The following XKR4 variants were observed in gnomAD, a reference collection of about 807,000 sequenced individuals.
XKR4 encodes XK-related protein 4.
In XKR4, 12 loss-of-function variants were observed where a neutral mutation model predicts 53.9. The observed-to-expected ratio is 0.22, with a 90% CI of 0.14 to 0.36. The LOEUF (loss-of-function observed/expected upper bound fraction) is 0.36. XKR4 is among the 10% of genes least tolerant of loss of function. The pLI, the probability that XKR4 is intolerant of heterozygous loss-of-function variation, is 1.00. For synonymous variants in XKR4, 354 were observed against 362.4 expected, an observed-to-expected ratio of 0.98 and a Z score of 0.26; for missense variants, 799 against 859.5, an observed-to-expected ratio of 0.93 and a Z score of 0.88.
intron 2 of XKR4, among the ~76,000 whole-genome samples, chr8:55,486,564 A>C (rs145603880): frequency 5.0e-4 from 76 of 152,364 alleles, no homozygotes; most frequent in African/African-American, 1.8e-3. Flanking sequence ...GCCAGTTGGC[A>C]TTATGTGTGA....
chr8:55,182,283 A>AT (rs912526950), intron 1 of XKR4, among the ~76,000 whole-genome samples: 3 of 150,954 alleles, frequency 2.0e-5, no homozygotes, highest in Admixed American at 6.6e-5. Flanking sequence ...CAGTTTATCA[A>AT]TTTTTTTCTT....
chr8:55,457,238 G>T (rs1805584755), intron 2 of XKR4, among the ~76,000 whole-genome samples: 1 of 150,114 alleles, frequency 6.7e-6, no homozygotes, highest in African/African-American at 2.4e-5. Flanking sequence ...TGCCTCGCAG[G>T]TTCACGCCAT....
chr8:55,273,178 GTGTGTA>G (rs758649032), intron 1 of XKR4, among the ~76,000 whole-genome samples: 4 of 114,874 alleles, frequency 3.5e-5, no homozygotes, highest in African/African-American at 8.2e-5. Flanking sequence ...GTGTGTGTGT[GTGTGTA>G]TGTTGCTGCA....
intron 2 of XKR4, among the ~76,000 whole-genome samples, chr8:55,487,623 T>C (rs1806214332): frequency 6.6e-6 from 1 of 152,126 alleles, no homozygotes; most frequent in African/African-American, 2.4e-5. Context: ...TGCATCACCA[T>C]GCCCAGATAA....
At chr8:55,398,333 A>G (rs1804553286) in intron 2 of XKR4, among the ~76,000 whole-genome samples, 1 of 152,042 alleles carries the variant, frequency 6.6e-6, no homozygotes, top group African/African-American at 2.4e-5. Context: ...CTACCCACCC[A>G]AATGAGGGAG....
At chr8:55,438,887 T>G (rs754100515) in intron 2 of XKR4, among the ~76,000 whole-genome samples, 1 of 152,172 alleles carries the variant, frequency 6.6e-6, no homozygotes, top group Non-Finnish European at 1.5e-5. Context: ...AGAGCATCTG[T>G]TCATTTCTAT....
At chr8:55,452,151 T>C (rs1805459098) in intron 2 of XKR4, 3 of 710,668 alleles carry the variant, frequency 4.2e-6, no homozygotes, top group East Asian at 2.7e-5. Context: ...CCGCAGCTTA[T>C]GCAGCTGCTT....
intron 1 of XKR4, among the ~76,000 whole-genome samples, chr8:55,247,855 C>CTTTCTTTCTT (rs369983175): frequency 2.0e-4 from 12 of 59,894 alleles, no homozygotes; most frequent in Middle Eastern, 9.1e-3. Flanking sequence ...TTCTTTCTTT[C>CTTTCTTTCTT]TTTTTTTTTT....
At chr8:55,298,018 A>G (rs1819124521) in intron 1 of XKR4, among the ~76,000 whole-genome samples, 2 of 152,232 alleles carry the variant, frequency 1.3e-5, no homozygotes, top group African/African-American at 2.4e-5. Flanking sequence ...TAAACATTGC[A>G]TATGATTAGT....
At chr8:55,123,712 T>C (rs1563461803) in intron 1 of XKR4, among the ~76,000 whole-genome samples, 1 of 152,186 alleles carries the variant, frequency 6.6e-6, no homozygotes, top group Non-Finnish European at 1.5e-5. Flanking sequence ...CGTGCCTCTA[T>C]GTAATATCCT....
intron 1 of XKR4, among the ~76,000 whole-genome samples, chr8:55,260,843 A>C (rs1395881701): frequency 1.3e-5 from 2 of 152,194 alleles, no homozygotes; most frequent in Non-Finnish European, 2.9e-5. Flanking sequence ...GGGAAGATGG[A>C]GCCGCCATTT....
intron 1 of XKR4, among the ~76,000 whole-genome samples, chr8:55,105,699 G>T (rs983200716): frequency 6.6e-6 from 1 of 152,154 alleles, no homozygotes; most frequent in Non-Finnish European, 1.5e-5. Flanking sequence ...GGGGATGCCA[G>T]AGTAATCTGG....
At chr8:55,409,167 G>A (rs1416595358) in intron 2 of XKR4, among the ~76,000 whole-genome samples, 1 of 152,304 alleles carries the variant, frequency 6.6e-6, no homozygotes, top group East Asian at 1.9e-4. Flanking sequence ...CAATTCTCAG[G>A]CATAAAGCCA....
intron 2 of XKR4, among the ~76,000 whole-genome samples, chr8:55,382,539 G>A (rs1214155522): frequency 6.6e-6 from 1 of 152,170 alleles, no homozygotes; most frequent in Admixed American, 6.5e-5. Flanking sequence ...AACTACTAAA[G>A]GAAGGAGAAA....
chr8:55,187,910 T>C (rs1391826962), intron 1 of XKR4, among the ~76,000 whole-genome samples: 1 of 152,252 alleles, frequency 6.6e-6, no homozygotes, highest in Admixed American at 6.5e-5. Flanking sequence ...ATTAATTATA[T>C]AAACCATTTC....
intron 1 of XKR4, among the ~76,000 whole-genome samples, chr8:55,349,036 G>A (rs1244018113): frequency 2.6e-5 from 4 of 152,042 alleles, no homozygotes; most frequent in Non-Finnish European, 5.9e-5. Flanking sequence ...CAAAGATTAA[G>A]GTATCATTGC....
intron 2 of XKR4, among the ~76,000 whole-genome samples, chr8:55,415,483 A>G (rs1449175693): frequency 6.6e-6 from 1 of 152,194 alleles, no homozygotes; most frequent in Non-Finnish European, 1.5e-5. Flanking sequence ...CTCACCTCAC[A>G]TTCAGCAAGC....
At chr8:55,498,976 C>T (rs1338463419) in intron 2 of XKR4, among the ~76,000 whole-genome samples, 5 of 152,204 alleles carry the variant, frequency 3.3e-5, no homozygotes, top group Non-Finnish European at 5.9e-5. Flanking sequence ...GGCAGTCTGC[C>T]TCAGGGGCAA....
At position 55,523,902 on chromosome 8, in the gene XKR4, C is replaced by T; in HGVS notation, c.1628C>T (p.Thr543Ile). 6.2e-7 allele frequency: 1 copy of T among 1,614,230 alleles called. No homozygotes were observed. The highest frequency in any genetic ancestry group is 8.5e-7 in the Non-Finnish European group (1 of 1,180,044). ...AAFTLPPDVATSTLRSISNNR... is the reference protein window; with the variant it reads ...AAFTLPPDVAISTLRSISNNR... ...TTCACTTTGCCCCCAGACGTGGCCA[C>T]AAGCACCCTACGGTCCATCTCCAAC... Residue 543 changes from threonine (T) to isoleucine (I), a missense_variant, in exon 3 of 3, where the codon ACA (threonine) becomes ATA (isoleucine). By Grantham distance (89) the Thr-to-Ile change is moderately conservative. This residue lies in a region of XKR4 where 269 missense variants were observed against 264.4 expected (regional missense o/e 1.02). Coordinates refer to ENST00000327381, the MANE Select transcript of XKR4 (RefSeq NM_052898.2).
Sources: gnomAD v4.1 joint callset for allele counts (sites outside exome capture counted in the v4.1 genomes callset) on GRCh38, gnomAD v4.1.1 for gene constraint, gnomAD v4.1.1 regional missense constraint, MANE v1.5 for transcripts, NCBI Gene and HGNC (gene_info 2026-07-23, HGNC 2026-07-21) for gene names.